The following SGCD variants were observed in gnomAD, a reference collection of about 807,000 sequenced individuals.
SGCD encodes the protein sarcoglycan delta.
A neutral mutation model predicts 36.6 loss-of-function variants in SGCD; 18 were observed. The ratio of observed to expected loss-of-function variants is 0.49; its 90% CI spans 0.34 to 0.73. The LOEUF (loss-of-function observed/expected upper bound fraction) is 0.73, where lower values mean the gene tolerates loss of function less well. Among genes scored for constraint, SGCD ranks in the 30% least tolerant of loss-of-function variants. The probability of loss-of-function intolerance (pLI) is 0.01; values close to 1 mark genes in which losing one functional copy is unlikely to be tolerated. For missense variants in SGCD, 387 were observed against 346.7 expected, an observed-to-expected ratio of 1.12 and a Z score of -0.92; for synonymous variants, 133 against 130.6, an observed-to-expected ratio of 1.02 and a Z score of -0.12.
intron 1 of SGCD, among the ~76,000 whole-genome samples, chr5:155,889,238 G>A (rs7733552): frequency 0.43 from 65,671 of 151,834 alleles, 16,102 homozygotes; most frequent in African/African-American, 0.66. Context: ...CCACGTAGAG[G>A]AAATTTAAGT....
chr5:155,771,201 G>T, the SGCD span, among the ~76,000 whole-genome samples: 2 of 152,002 alleles, frequency 1.3e-5, no homozygotes, highest in Non-Finnish European at 2.9e-5. Context: ...GTTCCACCAT[G>T]CCCTGCCATG....
At chr5:156,655,429 C>T (rs1261081229) in intron 7 of SGCD, among the ~76,000 whole-genome samples, 1 of 152,114 alleles carries the variant, frequency 6.6e-6, no homozygotes, top group African/African-American at 2.4e-5. Context: ...CTCTTTGCTA[C>T]AGTTTTGGTT....
chr5:156,605,257 G>A (rs1053896285), intron 6 of SGCD, among the ~76,000 whole-genome samples: 1 of 151,810 alleles, frequency 6.6e-6, no homozygotes, highest in Non-Finnish European at 1.5e-5. Context: ...GTGTCCATGT[G>A]TTCTCATTCT....
chr5:156,221,379 G>A (rs2127645930), intron 3 of SGCD, among the ~76,000 whole-genome samples: 1 of 152,118 alleles, frequency 6.6e-6, no homozygotes, highest in East Asian at 1.9e-4. Context: ...CAAAAATTTA[G>A]AAATGCAATA....
intron 1 of SGCD, among the ~76,000 whole-genome samples, chr5:155,940,364 G>C (rs1757296816): frequency 6.6e-6 from 1 of 152,046 alleles, no homozygotes; most frequent in Non-Finnish European, 1.5e-5. Flanking sequence ...CAGACCTTTA[G>C]TAACAGATTT....
chr5:155,758,057 T>C, the SGCD span, among the ~76,000 whole-genome samples: 1 of 152,236 alleles, frequency 6.6e-6, no homozygotes, highest in Middle Eastern at 3.4e-3. Flanking sequence ...TAAACCTCTT[T>C]CCTGTGTAAA....
At chr5:155,919,633 C>T (rs1370223014) in intron 1 of SGCD, among the ~76,000 whole-genome samples, 1 of 152,156 alleles carries the variant, frequency 6.6e-6, no homozygotes, top group East Asian at 1.9e-4. Flanking sequence ...CTTTTACCTT[C>T]TAAAATAGAT....
intron 3 of SGCD, among the ~76,000 whole-genome samples, chr5:156,432,102 G>A (rs1472848829): frequency 6.6e-6 from 1 of 152,184 alleles, no homozygotes. Context: ...TATCTACAAA[G>A]GGTCCAATGA....
intron 1 of SGCD, among the ~76,000 whole-genome samples, chr5:156,074,507 C>T (rs1760709019): frequency 6.6e-6 from 1 of 152,010 alleles, no homozygotes; most frequent in Admixed American, 6.6e-5. Context: ...CGTGGGGAAA[C>T]CCCGTCTCTA....
At chr5:156,213,995 A>G (rs889152462) in intron 3 of SGCD, among the ~76,000 whole-genome samples, 15 of 152,006 alleles carry the variant, frequency 9.9e-5, no homozygotes, top group African/African-American at 3.1e-4. Flanking sequence ...GAAAGCTAAC[A>G]TCATTCTCAG....
At chr5:156,099,114 G>A (rs1459727344) in intron 1 of SGCD, among the ~76,000 whole-genome samples, 1 of 152,186 alleles carries the variant, frequency 6.6e-6, no homozygotes, top group Non-Finnish European at 1.5e-5. Flanking sequence ...TGATAAAAGA[G>A]AGACAATACA....
chr5:156,159,928 A>G (rs11955488), intron 3 of SGCD, among the ~76,000 whole-genome samples: 1 of 151,620 alleles, frequency 6.6e-6, no homozygotes, highest in Admixed American at 6.6e-5. Context: ...TTGATTATCA[A>G]GAAAAGCTGA....
chr5:156,558,732 A>T (rs183909326), intron 4 of SGCD, among the ~76,000 whole-genome samples: 1 of 152,308 alleles, frequency 6.6e-6, no homozygotes. Flanking sequence ...GAGAGAGGAA[A>T]GCCCTAAGTG....
chr5:156,424,654 T>C (rs1042735914), intron 3 of SGCD, among the ~76,000 whole-genome samples: 1 of 152,110 alleles, frequency 6.6e-6, no homozygotes, highest in Non-Finnish European at 1.5e-5. Flanking sequence ...AGGTATTTTA[T>C]GTCCTCAAGA....
At chr5:155,792,998 A>C in the SGCD span, among the ~76,000 whole-genome samples, 1 of 152,224 alleles carries the variant, frequency 6.6e-6, no homozygotes, top group Non-Finnish European at 1.5e-5. Flanking sequence ...TCATGGAATC[A>C]ACCTAGGTGC....
At chr5:156,525,775 A>T (rs777012289) in intron 4 of SGCD, among the ~76,000 whole-genome samples, 17 of 152,044 alleles carry the variant, frequency 1.1e-4, no homozygotes, top group Non-Finnish European at 2.4e-4. Context: ...TAAAATAAGG[A>T]TTCAATTTCA....
chr5:156,717,746 C>T (rs1755292240), intron 7 of SGCD, among the ~76,000 whole-genome samples: 1 of 152,132 alleles, frequency 6.6e-6, no homozygotes, highest in African/African-American at 2.4e-5. Context: ...TGGGGACAGC[C>T]CCTCCACCCA....
chr5:156,018,631 C>T (rs1759034923), intron 1 of SGCD, among the ~76,000 whole-genome samples: 1 of 152,184 alleles, frequency 6.6e-6, no homozygotes, highest in Non-Finnish European at 1.5e-5. Context: ...CTCTATCTAT[C>T]CAGTTGATAA....
chr5:155,763,755 A>G, the SGCD span, among the ~76,000 whole-genome samples: 2 of 152,320 alleles, frequency 1.3e-5, no homozygotes, highest in Non-Finnish European at 2.9e-5. Context: ...CAATGTGAAG[A>G]ACACAATGAA....
Sources: allele counts gnomAD v4.1 joint callset (sites outside exome capture counted in the v4.1 genomes callset), GRCh38; gene constraint gnomAD v4.1.1; transcripts MANE v1.5; gene names NCBI Gene and HGNC (gene_info 2026-07-23, HGNC 2026-07-21).